Variants in TSPAN11 observed in about 807,000 individuals in gnomAD.
TSPAN11 encodes tetraspanin-11.
In TSPAN11, 29 loss-of-function variants were observed where a neutral mutation model predicts 32.9. That is an observed-to-expected ratio of 0.88 (90% CI 0.66 to 1.20). TSPAN11 has a LOEUF of 1.20. Ranked by LOEUF, TSPAN11 falls within the 50% of genes most tolerant of loss-of-function variation. The probability of loss-of-function intolerance (pLI) is 0.00; values close to 1 mark genes in which losing one functional copy is unlikely to be tolerated. For missense variants in TSPAN11, 283 were observed against 329.1 expected (o/e 0.86, Z 1.08); for synonymous variants, 140 against 141.3 (o/e 0.99, Z 0.07).
At chr12:31,002,871 C>A in the TSPAN11 span, among the ~76,000 whole-genome samples, 14 of 152,154 alleles carry the variant, frequency 9.2e-5, no homozygotes, top group Non-Finnish European at 1.9e-4. This position sits in a 1 kb window ranked among gnomAD's most constrained non-coding sequence, Gnocchi z 4.8. Flanking sequence ...CCCCAGAGAG[C>A]CCAAGATGCA....
At chr12:30,935,101 G>A (rs1565787340) in intron 1 of TSPAN11, among the ~76,000 whole-genome samples, 1 of 152,158 alleles carries the variant, frequency 6.6e-6, no homozygotes, top group Non-Finnish European at 1.5e-5. Context: ...ACTCTCCCCA[G>A]CCAAATTCCC....
intron 2 of TSPAN11, among the ~76,000 whole-genome samples, chr12:30,957,239 CCCCA>C (rs1565793756): frequency 7.0e-6 from 1 of 143,674 alleles, no homozygotes; most frequent in African/African-American, 2.5e-5. Flanking sequence ...CCCCCCCCCC[CCCCA>C]CACCATGGTC....
chr12:30,970,350 C>T (rs1938822557), intron 3 of TSPAN11, among the ~76,000 whole-genome samples: 2 of 152,152 alleles, frequency 1.3e-5, no homozygotes, highest in Non-Finnish European at 2.9e-5. Flanking sequence ...TAGTAAATGC[C>T]TGTCTTTGGC....
chr12:30,968,654 C>G (rs1387172591), intron 3 of TSPAN11, among the ~76,000 whole-genome samples: 1 of 152,160 alleles, frequency 6.6e-6, no homozygotes, highest in Non-Finnish European at 1.5e-5. Flanking sequence ...CTGAAAACTT[C>G]TATATTTTAA....
the TSPAN11 span, among the ~76,000 whole-genome samples, chr12:31,005,515 AC>A: frequency 6.6e-6 from 1 of 152,104 alleles, no homozygotes. Flanking sequence ...ACCCCAGCCC[AC>A]CCCATCATCT....
the TSPAN11 span, among the ~76,000 whole-genome samples, chr12:31,007,054 C>A: frequency 1.2e-3 from 188 of 152,236 alleles, no homozygotes; most frequent in African/African-American, 4.0e-3. Flanking sequence ...AGGGGGGGCC[C>A]CTCCCCAGGG....
chr12:30,969,207 G>A (rs903075176), intron 3 of TSPAN11, among the ~76,000 whole-genome samples: 7 of 152,182 alleles, frequency 4.6e-5, no homozygotes, highest in Admixed American at 2.0e-4. Context: ...AGTAGCTGGC[G>A]CTGGTGGGAA....
intron 7 of TSPAN11, among the ~76,000 whole-genome samples, chr12:30,983,579 GCATT>G (rs1205394320): frequency 3.3e-4 from 50 of 152,208 alleles, no homozygotes; most frequent in African/African-American, 1.2e-3. Flanking sequence ...GCACGTATCT[GCATT>G]CATTCCTTTG....
At chr12:31,012,143 C>G in the TSPAN11 span, among the ~76,000 whole-genome samples, 3 of 152,374 alleles carry the variant, frequency 2.0e-5, no homozygotes, top group East Asian at 5.8e-4. Flanking sequence ...TGTCCCTGCA[C>G]CATCAGCCCT....
chr12:30,946,836 C>T lies in TSPAN11; in HGVS notation c.-11-7145C>T, dbSNP rs1592467320. 2.0e-5 allele frequency among the ~76,000 whole-genome samples: 3 copies of T among 152,082 alleles called. No individual in the cohort carries two copies. The South Asian group carries it at 6.2e-4, about 32-fold the overall frequency. Reference sequence around the variant, plus strand: ...GGGGTACAGTCCCTCTCCTTTGGGGCTGTCCCTGGGGCTGTCCGTGATTCT... The same window carrying T: ...GGGGTACAGTCCCTCTCCTTTGGGGTTGTCCCTGGGGCTGTCCGTGATTCT... On this transcript the variant is annotated intron_variant, in intron 1 of 7. Transcript: ENST00000546076.
Position 30,983,641 on chromosome 12 carries a change from G to A in TSPAN11, c.702+491G>A, listed in dbSNP as rs138506047. 2.2e-4 allele frequency among the ~76,000 whole-genome samples: 34 copies of A among 152,216 alleles called. No individual in the cohort carries two copies. The South Asian group carries it at 3.5e-3, about 16-fold the overall frequency. On this transcript the variant is annotated intron_variant, in intron 7 of 7. Transcript: ENST00000546076. ...TGTGTATAGTCAGTCCTCCATGTCC[G>A]TGGGTTCTGCATCCGTGAATTCAAC...
chr12:30,937,278 A>G (rs1302450817), intron 1 of TSPAN11, among the ~76,000 whole-genome samples: 1 of 152,184 alleles, frequency 6.6e-6, no homozygotes, highest in Non-Finnish European at 1.5e-5. Flanking sequence ...AGAGGGAAAC[A>G]GGATCTAGGA....
At chr12:30,956,752 G>A (rs1175043053) in intron 2 of TSPAN11, among the ~76,000 whole-genome samples, 4 of 152,148 alleles carry the variant, frequency 2.6e-5, no homozygotes, top group Admixed American at 6.5e-5. Context: ...GGTGCCCATC[G>A]CCCCTGCAAT....
intron 2 of TSPAN11, among the ~76,000 whole-genome samples, chr12:30,959,752 G>C (rs1330014642): frequency 6.8e-6 from 1 of 147,598 alleles, no homozygotes; most frequent in East Asian, 2.0e-4. Context: ...TGTGCTCCAG[G>C]CTGCGCGACC....
intron 1 of TSPAN11, among the ~76,000 whole-genome samples, chr12:30,938,809 A>T (rs1420139693): frequency 6.6e-6 from 1 of 152,190 alleles, no homozygotes; most frequent in Non-Finnish European, 1.5e-5. Flanking sequence ...TCAATTCTGG[A>T]TAGGGACAAC....
chr12:30,941,277 A>C (rs928403822), intron 1 of TSPAN11, among the ~76,000 whole-genome samples: 1 of 152,248 alleles, frequency 6.6e-6, no homozygotes, highest in Non-Finnish European at 1.5e-5. Context: ...GGATTTTGCT[A>C]TACTTGGGGA....
intron 7 of TSPAN11, among the ~76,000 whole-genome samples, chr12:30,990,149 TGTGC>T (rs969769255): frequency 2.0e-5 from 3 of 152,106 alleles, no homozygotes; most frequent in Non-Finnish European, 4.4e-5. Flanking sequence ...TGTGTGTGTG[TGTGC>T]AAGTGTGTGT....
chr12:30,947,813 A>G (rs568528522), intron 1 of TSPAN11, among the ~76,000 whole-genome samples: 2 of 152,192 alleles, frequency 1.3e-5, no homozygotes, highest in African/African-American at 4.8e-5. Context: ...GAAACCAATC[A>G]TGCCTTCCCA....
At chr12:31,005,542 A>T in the TSPAN11 span, among the ~76,000 whole-genome samples, 1 of 152,192 alleles carries the variant, frequency 6.6e-6, no homozygotes, top group Admixed American at 6.5e-5. Context: ...AAATATGCAG[A>T]CACAGACGCA....
Sources: allele counts gnomAD v4.1 joint callset (sites outside exome capture counted in the v4.1 genomes callset), GRCh38; gene constraint gnomAD v4.1.1; non-coding constraint Gnocchi (gnomAD v3.1); transcripts MANE v1.5; gene names NCBI Gene and HGNC (gene_info 2026-07-23, HGNC 2026-07-21).